Variants in SDK1 observed in about 807,000 individuals in gnomAD.
SDK1 encodes the protein protein sidekick-1.
Under a neutral mutation model 245.5 loss-of-function variants are expected in SDK1, and 157 were observed. The observed-to-expected ratio is 0.64, with a 90% CI of 0.56 to 0.73. The LOEUF (loss-of-function observed/expected upper bound fraction) is 0.73. SDK1 is among the 30% of genes least tolerant of loss of function. The probability of loss-of-function intolerance (pLI) is 0.00; values close to 1 mark genes in which losing one functional copy is unlikely to be tolerated. For synonymous variants in SDK1, 1,647 were observed against 1,278.5 expected, an observed-to-expected ratio of 1.29 and a Z score of -6.15; for missense variants, 3,583 against 3,002.3, an observed-to-expected ratio of 1.19 and a Z score of -4.52.
chr7:3,332,398 T>C (rs993861899), intron 1 of SDK1, among the ~76,000 whole-genome samples: 1 of 152,190 alleles, frequency 6.6e-6, no homozygotes, highest in Non-Finnish European at 1.5e-5. Context: ...TATCTGTATG[T>C]AAATTCTTAT....
chr7:3,949,857 A>G (rs1021219855), intron 5 of SDK1, among the ~76,000 whole-genome samples: 2 of 152,206 alleles, frequency 1.3e-5, no homozygotes, highest in African/African-American at 4.8e-5. Context: ...AAGGATTGAA[A>G]CTGCAGTAAC....
At chr7:3,841,670 G>A (rs538318513) in intron 5 of SDK1, among the ~76,000 whole-genome samples, 14 of 151,896 alleles carry the variant, frequency 9.2e-5, no homozygotes, top group Non-Finnish European at 1.5e-4. Context: ...GGGTTCAAGC[G>A]ATTCTTCTCA....
At chr7:3,703,786 T>C (rs1388805012) in intron 4 of SDK1, among the ~76,000 whole-genome samples, 2 of 152,370 alleles carry the variant, frequency 1.3e-5, no homozygotes, top group East Asian at 1.9e-4. Flanking sequence ...TTCAAAAATA[T>C]CTGTCGTTGG....
At chr7:3,669,841 G>A (rs1014523688) in intron 4 of SDK1, among the ~76,000 whole-genome samples, 46 of 152,138 alleles carry the variant, frequency 3.0e-4, no homozygotes, top group African/African-American at 1.1e-3. Context: ...TTCATACTCA[G>A]TAGGTTGAAA....
rs1357919894 is a variant in SDK1, at chr7:3,726,268, A to G, written c.713+84163A>G. The stretch of plus-strand genomic sequence containing the variant: ...TTGACACACACTGTTTTTAAAGACC[A>G]GATTTAGAGGTATGCTCACTCAAAT... On this transcript the variant is annotated intron_variant, in intron 4 of 44. Transcript: ENST00000404826. 2.6e-5 allele frequency among the ~76,000 whole-genome samples: 4 copies of G among 152,260 alleles called. 1 individual carries two copies. Among genetic ancestry groups the G allele is most frequent in the Admixed American group, 1.3e-4 (2 of 15,288 alleles).
intron 1 of SDK1, among the ~76,000 whole-genome samples, chr7:3,586,523 C>G (rs1427041109): frequency 6.6e-6 from 1 of 150,882 alleles, no homozygotes; most frequent in African/African-American, 2.4e-5. Flanking sequence ...CCGTGAAACC[C>G]TGTCTCTACA....
At chr7:4,230,263 GTGGATGAA>G (rs1176630887) in intron 40 of SDK1, among the ~76,000 whole-genome samples, 2 of 151,484 alleles carry the variant, frequency 1.3e-5, no homozygotes, top group Non-Finnish European at 2.9e-5. Flanking sequence ...GGGTGAGTGG[GTGGATGAA>G]TGGATGAATG....
intron 40 of SDK1, among the ~76,000 whole-genome samples, chr7:4,226,713 A>T (rs1785470104): frequency 6.6e-6 from 1 of 152,178 alleles, no homozygotes; most frequent in Admixed American, 6.5e-5. Context: ...GGTGTTGCAA[A>T]ACTCCCTGGA....
chr7:3,950,705 G>C (rs1458954042), intron 5 of SDK1, among the ~76,000 whole-genome samples: 1 of 152,182 alleles, frequency 6.6e-6, no homozygotes. Flanking sequence ...GTTGTAAGTT[G>C]AGGACTGGAC....
chr7:3,634,456 T>C (rs1246998822), intron 2 of SDK1, among the ~76,000 whole-genome samples: 1 of 152,220 alleles, frequency 6.6e-6, no homozygotes, highest in African/African-American at 2.4e-5. Context: ...TTCCTGATAA[T>C]GAACTGGTCC....
chr7:3,714,637 G>A (rs7801769), intron 4 of SDK1, among the ~76,000 whole-genome samples: 4,283 of 152,238 alleles, frequency 0.028, 206 homozygotes, highest in African/African-American at 0.099. Flanking sequence ...TTTAAATGTC[G>A]TTTAATACAC....
At chr7:4,147,725 C>T (rs888758257) in intron 29 of SDK1, among the ~76,000 whole-genome samples, 3 of 152,172 alleles carry the variant, frequency 2.0e-5, no homozygotes, top group Admixed American at 1.3e-4. Context: ...GTGAAAGGAG[C>T]GCCCCTATCC....
intron 1 of SDK1, among the ~76,000 whole-genome samples, chr7:3,535,997 A>AT (rs897184934): frequency 3.3e-5 from 5 of 151,588 alleles, no homozygotes; most frequent in Non-Finnish European, 5.9e-5. Context: ...TTAAGTTTTT[A>AT]TTTTTTTATC....
chr7:3,870,926 G>A (rs961836950), intron 5 of SDK1, among the ~76,000 whole-genome samples: 1 of 152,100 alleles, frequency 6.6e-6, no homozygotes, highest in Non-Finnish European at 1.5e-5. Flanking sequence ...CTTTGGAAGG[G>A]TACTGGTCAG....
At chr7:3,646,136 C>T (rs747120576) in intron 4 of SDK1, among the ~76,000 whole-genome samples, 97 of 152,278 alleles carry the variant, frequency 6.4e-4, no homozygotes, top group Middle Eastern at 6.8e-3. Flanking sequence ...GGATTATAGG[C>T]GTGAGCCACC....
intron 17 of SDK1, among the ~76,000 whole-genome samples, chr7:4,030,725 C>T (rs941983901): frequency 2.0e-5 from 3 of 152,216 alleles, no homozygotes; most frequent in Admixed American, 6.5e-5. Context: ...TTCCAGCTTG[C>T]GTCCATGCCT....
intron 4 of SDK1, among the ~76,000 whole-genome samples, chr7:3,726,478 C>A (rs1779011795): frequency 6.6e-6 from 1 of 152,164 alleles, no homozygotes; most frequent in South Asian, 2.1e-4. Context: ...GCATGTTTTC[C>A]TGTAGGAAGT....
At chr7:4,079,372 A>T in intron 21 of SDK1, 91 bp from the exon 22 acceptor site, 1 of 1,481,060 alleles carries the variant, frequency 6.8e-7, no homozygotes, top group East Asian at 2.3e-5. Flanking sequence ...TCGTTTTGAA[A>T]CTGTTTACTT....
chr7:3,998,808 G>A (rs1411687924), intron 14 of SDK1, among the ~76,000 whole-genome samples: 1 of 152,172 alleles, frequency 6.6e-6, no homozygotes, highest in Non-Finnish European at 1.5e-5. Context: ...GTGGAGTTCC[G>A]TGCAGTCGGC....
Sources: gnomAD v4.1 joint callset for allele counts (sites outside exome capture counted in the v4.1 genomes callset) on GRCh38, gnomAD v4.1.1 for gene constraint, MANE v1.5 for transcripts, NCBI Gene and HGNC (gene_info 2026-07-23, HGNC 2026-07-21) for gene names.